Variants in CHCHD3 observed in about 807,000 individuals in gnomAD.
CHCHD3 encodes MICOS complex subunit MIC19.
Under a neutral mutation model 38.2 loss-of-function variants are expected in CHCHD3, and 20 were observed. That is an observed-to-expected ratio of 0.52 (90% CI 0.37 to 0.76). The LOEUF is 0.76. CHCHD3 is among the 30% of genes least tolerant of loss of function. The pLI is 0.00. For synonymous variants in CHCHD3, 82 were observed against 100.0 expected (o/e 0.82, Z 1.07); for missense variants, 245 against 279.2 (o/e 0.88, Z 0.87).
chr7:132,791,377 C>T (rs1467147545), intron 7 of CHCHD3, among the ~76,000 whole-genome samples: 1 of 152,114 alleles, frequency 6.6e-6, no homozygotes, highest in Non-Finnish European at 1.5e-5. Flanking sequence ...TTTAAATTCT[C>T]TGGAAGCTAA....
At chr7:133,047,752 C>T (rs966433983) in intron 2 of CHCHD3, among the ~76,000 whole-genome samples, 26 of 152,028 alleles carry the variant, frequency 1.7e-4, no homozygotes, top group African/African-American at 5.8e-4. Flanking sequence ...ACAGATAATC[C>T]CAAAAGTCAG....
intron 3 of CHCHD3, among the ~76,000 whole-genome samples, chr7:132,991,581 A>G (rs1812285810): frequency 6.6e-6 from 1 of 152,092 alleles, no homozygotes; most frequent in South Asian, 2.1e-4. Context: ...CCACCAAAAA[A>G]TCTCATACTC....
intron 4 of CHCHD3, among the ~76,000 whole-genome samples, chr7:132,890,377 T>C (rs948684009): frequency 6.6e-6 from 1 of 152,156 alleles, no homozygotes; most frequent in African/African-American, 2.4e-5. Context: ...GATAGAAACT[T>C]TACCTTCCCA....
At chr7:132,998,808 G>A (rs1812491297) in intron 3 of CHCHD3, among the ~76,000 whole-genome samples, 1 of 152,128 alleles carries the variant, frequency 6.6e-6, no homozygotes, top group Non-Finnish European at 1.5e-5. Context: ...GTTGGTCAAT[G>A]AGTCAATTTA....
At chr7:132,970,769 A>T (rs1255175953) in intron 4 of CHCHD3, among the ~76,000 whole-genome samples, 1 of 150,574 alleles carries the variant, frequency 6.6e-6, no homozygotes, top group Non-Finnish European at 1.5e-5. Flanking sequence ...TTTAGATTTA[A>T]AAAAAAAAGA....
chr7:132,900,944 T>C lies in CHCHD3; in HGVS notation c.370-15199A>G, dbSNP rs530915083. 2.4e-3 allele frequency among the ~76,000 whole-genome samples: 372 copies of C among 152,224 alleles called. 2 individuals are homozygous for C. Among genetic ancestry groups the C allele is most frequent in the Non-Finnish European group, 3.8e-3 (261 of 67,998 alleles). The stretch of plus-strand genomic sequence containing the variant: ...AGGCGGACGTTGCAGTGAGCCGAGA[T>C]AGCACCACTGAACTCCAGCCTGGGC... On this transcript the variant is annotated intron_variant, in intron 4 of 7. Transcript: ENST00000262570.
chr7:132,965,453 G>GA (rs112505425), intron 4 of CHCHD3, among the ~76,000 whole-genome samples: 32,729 of 135,004 alleles, frequency 0.24, 3,681 homozygotes, highest in South Asian at 0.26. Context: ...TTAGTTAAAT[G>GA]AAAAAAAAAA....
At chr7:132,805,714 G>A (rs1345798290) in intron 6 of CHCHD3, among the ~76,000 whole-genome samples, 1 of 152,186 alleles carries the variant, frequency 6.6e-6, no homozygotes, top group Non-Finnish European at 1.5e-5. Context: ...AGAGAGGTCA[G>A]TGGAGCAGCA....
chr7:132,932,167 A>T (rs2117256819), intron 4 of CHCHD3, among the ~76,000 whole-genome samples: 1 of 152,326 alleles, frequency 6.6e-6, no homozygotes, highest in African/African-American at 2.4e-5. Context: ...TCTATCAATC[A>T]ATCCAACATG....
chr7:132,845,727 T>C lies in CHCHD3; in HGVS notation c.454-7258A>G, dbSNP rs6950535. ...CAAACTGATTTGCTCATGGAGCATC[T>C]TGAGGGAAGAGAATCTCCTAAAATG... On this transcript the variant is annotated intron_variant, in intron 5 of 7. Transcript: ENST00000262570. Among the ~76,000 whole-genome samples the C allele has an allele frequency of 5.3e-3, 804 of 152,308 alleles. 4 individuals carry two copies. The highest frequency in any genetic ancestry group is 0.019 in the African/African-American group (784 of 41,558).
chr7:133,035,088 T>C lies in CHCHD3; in HGVS notation c.170-10461A>G, dbSNP rs767243954. On this transcript the variant is annotated intron_variant, in intron 2 of 7. Coordinates refer to ENST00000262570, the MANE Select transcript of CHCHD3 (RefSeq NM_017812.4). This position sits in a 1 kb window ranked among gnomAD's most constrained non-coding sequence, Gnocchi z 4.7. Reference sequence around the variant, plus strand: ...ACTCTTGGGCAGGTGAGCGAAGGGGTCCTTGGCCTTGGGCTCAGCAGCCAG... The same window carrying C: ...ACTCTTGGGCAGGTGAGCGAAGGGGCCCTTGGCCTTGGGCTCAGCAGCCAG... 4.3e-6 allele frequency: 7 copies of C among 1,613,594 alleles called. No homozygotes were observed. The highest frequency in any genetic ancestry group is 5.9e-6 in the Non-Finnish European group (7 of 1,179,692).
Position 133,024,551 on chromosome 7 carries a change from C to A in CHCHD3, c.246G>T (p.Gln82His). Reference sequence around the variant, plus strand: ...TCTGATACCACAAAACTCACCGTTTCTGATCTTCGGATTCTTTCTTGGCTT... The same window carrying A: ...TCTGATACCACAAAACTCACCGTTTATGATCTTCGGATTCTTTCTTGGCTT... ...LEQAKKESED[Q>H]KRLKQAKELD... Residue 82 changes from glutamine to histidine, a missense_variant, in exon 3 of 8, where the codon CAG (glutamine) becomes CAT (histidine). Gln to His is a conservative substitution (Grantham distance 24). Transcript: ENST00000262570. The A allele has an allele frequency of 6.2e-7, 1 of 1,612,194 alleles. No individual in the cohort carries two copies. Among genetic ancestry groups the A allele is most frequent in the Non-Finnish European group, 8.5e-7 (1 of 1,178,470 alleles).
chr7:133,029,919 T>C (rs1203488286), intron 2 of CHCHD3, among the ~76,000 whole-genome samples: 1 of 151,796 alleles, frequency 6.6e-6, no homozygotes, highest in Non-Finnish European at 1.5e-5. Context: ...GAAAAAGACA[T>C]GTCCAAGTGA....
At chr7:132,854,025 A>G (rs1808284071) in intron 5 of CHCHD3, among the ~76,000 whole-genome samples, 1 of 152,140 alleles carries the variant, frequency 6.6e-6, no homozygotes. Flanking sequence ...CTTTCATTTC[A>G]CAGATGCATT....
intron 6 of CHCHD3, among the ~76,000 whole-genome samples, chr7:132,802,013 C>A (rs898851695): frequency 2.0e-5 from 3 of 152,144 alleles, no homozygotes; most frequent in Non-Finnish European, 4.4e-5. Context: ...CCTCTGGCCA[C>A]CTATCCCTGC....
chr7:132,996,999 T>C (rs1812437644), intron 3 of CHCHD3, among the ~76,000 whole-genome samples: 1 of 152,252 alleles, frequency 6.6e-6, no homozygotes, highest in African/African-American at 2.4e-5. Flanking sequence ...TTAACAACCA[T>C]TTCTAAATTC....
chr7:132,921,652 A>G (rs1183913863), intron 4 of CHCHD3, among the ~76,000 whole-genome samples: 1 of 152,192 alleles, frequency 6.6e-6, no homozygotes, highest in South Asian at 2.1e-4. Flanking sequence ...CAACAACAAC[A>G]ACAACAAAAC....
chr7:133,039,003 A>G (rs1315677549), intron 2 of CHCHD3, among the ~76,000 whole-genome samples: 1 of 152,240 alleles, frequency 6.6e-6, no homozygotes, highest in African/African-American at 2.4e-5. Context: ...GGATTTACAC[A>G]TGGTGGGAAA....
At chr7:133,034,476 CTT>C (rs1280441562) in intron 2 of CHCHD3, 2 of 772,882 alleles carry the variant, frequency 2.6e-6, no homozygotes, top group Non-Finnish European at 3.9e-6. Context: ...ATCTATAATT[CTT>C]TTCAAGTCCT....
Sources: allele counts gnomAD v4.1 joint callset (sites outside exome capture counted in the v4.1 genomes callset), GRCh38; gene constraint gnomAD v4.1.1; non-coding constraint Gnocchi (gnomAD v3.1); transcripts MANE v1.5; gene names NCBI Gene and HGNC (gene_info 2026-07-23, HGNC 2026-07-21).